Variants in LRP1B observed in about 807,000 individuals in gnomAD.
The protein encoded by LRP1B is low-density lipoprotein receptor-related protein 1B.
A neutral mutation model predicts 556.6 loss-of-function variants in LRP1B; 217 were observed. That is an observed-to-expected ratio of 0.39 (90% CI 0.35 to 0.44). The LOEUF is 0.44. LRP1B is among the 20% of genes least tolerant of loss of function. The pLI is 1.00. For missense variants in LRP1B, 5,053 were observed against 5,620.8 expected (o/e 0.90, Z 3.23); for synonymous variants, 2,047 against 1,865.8 (o/e 1.10, Z -2.50).
At chr2:140,496,018 G>T (rs1310956630) in intron 55 of LRP1B, among the ~76,000 whole-genome samples, 1 of 152,062 alleles carries the variant, frequency 6.6e-6, no homozygotes, top group Non-Finnish European at 1.5e-5. Flanking sequence ...TTAGAGATTG[G>T]CAAGGCAAAT....
intron 6 of LRP1B, among the ~76,000 whole-genome samples, chr2:141,208,800 C>T (rs929381198): frequency 2.2e-5 from 3 of 139,366 alleles, no homozygotes; most frequent in South Asian, 2.4e-4. Flanking sequence ...ACCTGGGAGG[C>T]GGAGCTTACA....
chr2:142,116,223 A>G (rs569229010), intron 1 of LRP1B, among the ~76,000 whole-genome samples: 60 of 131,794 alleles, frequency 4.6e-4, no homozygotes, highest in African/African-American at 1.9e-3. Flanking sequence ...AAAGAATGAG[A>G]AAGATATCAC....
At chr2:140,285,368 CATATATATACACACATAT>C (rs1683104871) in intron 84 of LRP1B, among the ~76,000 whole-genome samples, 1 of 150,064 alleles carries the variant, frequency 6.7e-6, no homozygotes, top group Non-Finnish European at 1.5e-5. Flanking sequence ...TATACACATA[CATATATATACACACATAT>C]ATATATATAC....
intron 1 of LRP1B, among the ~76,000 whole-genome samples, chr2:141,824,854 G>A (rs149157701): frequency 3.3e-5 from 5 of 152,242 alleles, no homozygotes; most frequent in East Asian, 3.9e-4. Context: ...ATCTCGAATT[G>A]TAATCCCAAT....
intron 32 of LRP1B, among the ~76,000 whole-genome samples, chr2:140,787,161 G>A (rs372675929): frequency 1.1e-4 from 17 of 152,144 alleles, no homozygotes; most frequent in Non-Finnish European, 1.5e-4. Context: ...GGGATTAAGT[G>A]GGTCTGAACC....
intron 7 of LRP1B, among the ~76,000 whole-genome samples, chr2:141,147,420 A>C (rs1701813143): frequency 6.6e-6 from 1 of 152,210 alleles, no homozygotes; most frequent in Admixed American, 6.5e-5. Context: ...ATAGAGTTGT[A>C]GGAAACCCTG....
chr2:141,878,431 T>C (rs914068347), intron 1 of LRP1B, among the ~76,000 whole-genome samples: 2 of 151,162 alleles, frequency 1.3e-5, no homozygotes, highest in Non-Finnish European at 3.0e-5. Context: ...TTGATGAAAT[T>C]TGTAAAAAAA....
intron 22 of LRP1B, among the ~76,000 whole-genome samples, 187 bp downstream of exon 22, chr2:140,907,690 T>G (rs1694296720): frequency 6.6e-6 from 1 of 152,152 alleles, no homozygotes; most frequent in Admixed American, 6.6e-5. Flanking sequence ...TTCAGAAATT[T>G]CTGATCACAT....
intron 6 of LRP1B, among the ~76,000 whole-genome samples, chr2:141,196,651 A>G (rs1162643426): frequency 6.6e-6 from 1 of 152,014 alleles, no homozygotes. Context: ...AGAATTTATT[A>G]TTGCATAATT....
Position 140,324,082 on chromosome 2 carries a change from G to T in LRP1B, c.12341-16C>A. On this transcript the variant is annotated splice_polypyrimidine_tract_variant and intron_variant, in intron 80 of 90. Transcript: ENST00000389484. ...TGTAATAAACCTGGAATTTTAAAAA[G>T]GCAGTTATGAAAGTTTTAATGTATA... 6.4e-7 allele frequency: 1 copy of T among 1,569,918 alleles called. No individual in the cohort carries two copies.
At chr2:141,038,594 G>A (rs1431175735) in intron 11 of LRP1B, among the ~76,000 whole-genome samples, 2 of 152,064 alleles carry the variant, frequency 1.3e-5, no homozygotes, top group African/African-American at 4.8e-5. Flanking sequence ...TGTCGTGGGA[G>A]TTTTCTCAGC....
rs199649226 is a variant in LRP1B, at chr2:140,358,012, C to T, written c.11362G>A (p.Gly3788Arg). 7.4e-6 allele frequency: 12 copies of T among 1,611,140 alleles called. No homozygotes were observed. Among genetic ancestry groups the T allele is most frequent in the Admixed American group, 3.3e-5 (2 of 59,796 alleles). ...DLQCDRLDDCGDGSDEQGCRI... is the reference protein window; with the variant it reads ...DLQCDRLDDCRDGSDEQGCRI... ...CATCCTTGCTCATCTGAACCATCTC[C>T]GCAGTCATCAAGTCGATCACACTGG... Residue 3788 changes from glycine to arginine, a missense_variant, in exon 74 of 91, where the codon GGA becomes AGA. Physicochemically the swap from Gly to Arg is moderately radical, Grantham distance 125. Coordinates refer to ENST00000389484, the MANE Select transcript of LRP1B (RefSeq NM_018557.3).
intron 29 of LRP1B, among the ~76,000 whole-genome samples, chr2:140,849,708 T>C (rs1221191797): frequency 6.6e-6 from 1 of 151,980 alleles, no homozygotes. Context: ...TTTGGCTAAT[T>C]TTGTATTTTT....
chr2:142,037,073 C>T (rs183061873), intron 1 of LRP1B, among the ~76,000 whole-genome samples: 101 of 151,732 alleles, frequency 6.7e-4, no homozygotes, highest in African/African-American at 2.3e-3. Context: ...TGATGGGCAT[C>T]AGACCTTTTC....
At chr2:140,818,936 C>CAAAAAAAAAAAA (rs543167243) in intron 31 of LRP1B, among the ~76,000 whole-genome samples, 2 of 102,938 alleles carry the variant, frequency 1.9e-5, no homozygotes, top group African/African-American at 8.6e-5. Context: ...GACTCTGTCT[C>CAAAAAAAAAAAA]AAAAAAAAAA....
At chr2:142,061,392 C>G (rs1346356257) in intron 1 of LRP1B, among the ~76,000 whole-genome samples, 1 of 151,964 alleles carries the variant, frequency 6.6e-6, no homozygotes, top group East Asian at 1.9e-4. Flanking sequence ...CCGAAACACA[C>G]TGCTCTTACA....
At chr2:141,012,866 T>C (rs1379146075) in intron 14 of LRP1B, among the ~76,000 whole-genome samples, 2 of 151,904 alleles carry the variant, frequency 1.3e-5, no homozygotes, top group Admixed American at 6.6e-5. Context: ...GATATGTCTA[T>C]TAAAAAAAGG....
At chr2:141,574,887 A>G (rs560655196) in intron 2 of LRP1B, among the ~76,000 whole-genome samples, 1 of 152,202 alleles carries the variant, frequency 6.6e-6, no homozygotes, top group African/African-American at 2.4e-5. Flanking sequence ...ACCTAGGAAT[A>G]CAGCTAACAA....
At chr2:141,562,321 G>GGA (rs1686184338) in intron 2 of LRP1B, among the ~76,000 whole-genome samples, 1 of 151,760 alleles carries the variant, frequency 6.6e-6, no homozygotes, top group Non-Finnish European at 1.5e-5. Context: ...AAGCTTTTTG[G>GGA]AATGGACCCA....
Sources: gnomAD v4.1 joint callset for allele counts (sites outside exome capture counted in the v4.1 genomes callset) on GRCh38, gnomAD v4.1.1 for gene constraint, MANE v1.5 for transcripts, NCBI Gene and HGNC (gene_info 2026-07-23, HGNC 2026-07-21) for gene names.